The following SLC39A8 variants were observed in gnomAD, a reference collection of about 807,000 sequenced individuals.
SLC39A8 encodes solute carrier family 39 member 8, also known as metal cation symporter ZIP8.
A neutral mutation model predicts 40.4 loss-of-function variants in SLC39A8; 15 were observed. That is an observed-to-expected ratio of 0.37 (90% CI 0.25 to 0.57). SLC39A8 has a LOEUF of 0.57. Among genes scored for constraint, SLC39A8 ranks in the 20% least tolerant of loss-of-function variants. The pLI is 0.75. For synonymous variants in SLC39A8, 223 were observed against 221.6 expected (o/e 1.01, Z -0.06); for missense variants, 472 against 558.8 (o/e 0.84, Z 1.57).
At chr4:102,280,251 A>G (rs1732812059) in intron 6 of SLC39A8, among the ~76,000 whole-genome samples, 1 of 152,138 alleles carries the variant, frequency 6.6e-6, no homozygotes, top group African/African-American at 2.4e-5. Flanking sequence ...CACTGTTACT[A>G]GCCTCAGGTT....
intron 3 of SLC39A8, among the ~76,000 whole-genome samples, chr4:102,315,395 A>G (rs1320075894): frequency 1.3e-5 from 2 of 152,182 alleles, no homozygotes; most frequent in Non-Finnish European, 2.9e-5. Flanking sequence ...ACAGCATAAA[A>G]TATATATTGT....
chr4:102,331,962 T>C (rs1311211079), intron 2 of SLC39A8, among the ~76,000 whole-genome samples: 2 of 152,164 alleles, frequency 1.3e-5, no homozygotes, highest in African/African-American at 4.8e-5. Context: ...TGACTAGCCC[T>C]ATGTAGAAAA....
chr4:102,340,437 C>T (rs1735893284), intron 2 of SLC39A8, among the ~76,000 whole-genome samples: 1 of 152,108 alleles, frequency 6.6e-6, no homozygotes, highest in Non-Finnish European at 1.5e-5. Context: ...TCAAGAAAGG[C>T]TTCTCAGAAG....
At chr4:102,300,168 G>T (rs760626230) in intron 6 of SLC39A8, among the ~76,000 whole-genome samples, 5 of 151,908 alleles carry the variant, frequency 3.3e-5, no homozygotes, top group Non-Finnish European at 4.4e-5. Flanking sequence ...ATAGACTGTT[G>T]TGCCTCACAC....
intron 11 of SLC39A8, among the ~76,000 whole-genome samples, chr4:102,254,686 T>C (rs1270070985): frequency 6.6e-6 from 1 of 152,208 alleles, no homozygotes; most frequent in Non-Finnish European, 1.5e-5. Context: ...CCTAGATTCA[T>C]ATCCTACATT....
chr4:102,273,154 G>A (rs978174349), intron 6 of SLC39A8, among the ~76,000 whole-genome samples: 1 of 152,192 alleles, frequency 6.6e-6, no homozygotes, highest in Non-Finnish European at 1.5e-5. Flanking sequence ...CTTGCTCAGC[G>A]GGTCCCACCT....
chr4:102,273,123 G>T (rs1432647910), intron 6 of SLC39A8, among the ~76,000 whole-genome samples: 2 of 152,208 alleles, frequency 1.3e-5, no homozygotes, highest in African/African-American at 2.4e-5. Context: ...AAAGGGGGCT[G>T]AAGCCAGGGA....
At chr4:102,305,716 A>C (rs1315497444) in intron 4 of SLC39A8, among the ~76,000 whole-genome samples, 1 of 152,048 alleles carries the variant, frequency 6.6e-6, no homozygotes, top group Admixed American at 6.6e-5. Flanking sequence ...TCTTTCACAC[A>C]CACACAGCAA....
downstream of SLC39A8, among the ~76,000 whole-genome samples, chr4:102,257,779 A>G (rs1041123170): frequency 1.3e-5 from 2 of 152,190 alleles, no homozygotes; most frequent in African/African-American, 4.8e-5. Flanking sequence ...CCACTTACCA[A>G]CTTACTAACA....
Position 102,262,457 on chromosome 4 carries a change from G to T in SLC39A8, c.*587C>A, listed in dbSNP as rs994419289. The T allele has an allele frequency of 1.4e-4, 137 of 985,152 alleles. No individual in the cohort carries two copies. The highest frequency in any genetic ancestry group is 1.4e-4 in the Non-Finnish European group (118 of 829,702). 61.0% of individuals were successfully genotyped at this position (985,152 alleles called of 1,614,324 possible). A position where few individuals can be genotyped will look rare whatever the true frequency, so the allele number is the denominator to read the frequency against. ...TCCTAACTCCTATTATTTTAGAATGGTTTTCAAAATAATACTGCAAGTTCC... is the reference window on the plus strand; with the variant it reads ...TCCTAACTCCTATTATTTTAGAATGTTTTTCAAAATAATACTGCAAGTTCC... On this transcript the variant is annotated 3_prime_UTR_variant, in exon 9 of 9. Transcript: ENST00000356736.
chr4:102,343,594 A>T (rs1178858179), intron 2 of SLC39A8, among the ~76,000 whole-genome samples: 1 of 152,258 alleles, frequency 6.6e-6, no homozygotes, highest in African/African-American at 2.4e-5. Flanking sequence ...TTTTGGAAGG[A>T]TGCAGAAACT....
Position 102,307,623 on chromosome 4 carries a change from AAG to A in SLC39A8, c.383-20_383-19del, listed in dbSNP as rs750541387. The A allele has an allele frequency of 3.1e-6, 5 of 1,606,352 alleles. No individual in the cohort carries two copies. Among genetic ancestry groups the A allele is most frequent in the Non-Finnish European group, 4.2e-6 (5 of 1,176,492 alleles). ...TCCCCAAACTGTGGGTCAGAGGGAA[AAG>A]AGAGTAGAAATTAATCAGAGCAAGG... On this transcript the variant is annotated intron_variant, in intron 3 of 8. Transcript: ENST00000356736.
intron 2 of SLC39A8, among the ~76,000 whole-genome samples, chr4:102,318,062 T>C (rs764004055): frequency 2.0e-5 from 3 of 152,160 alleles, no homozygotes; most frequent in Non-Finnish European, 2.9e-5. Context: ...TGATGTAAAA[T>C]GTATTTCTTG....
chr4:102,342,581 G>A lies in SLC39A8; in HGVS notation c.219+1863C>T, dbSNP rs537978662. ...TCCTTGGCTTCCTTTTCTTTCCAAG[G>A]TAATTATGGGCTTCTTCCTGTCTCT... On this transcript the variant is annotated intron_variant, in intron 2 of 8. Coordinates refer to ENST00000356736, the MANE Select transcript of SLC39A8 (RefSeq NM_001135146.2). Among the ~76,000 whole-genome samples the A allele has an allele frequency of 5.9e-5, 9 of 152,270 alleles. 1 individual carries two copies. The highest frequency in any genetic ancestry group is 3.9e-4 in the Admixed American group (6 of 15,306).
At chr4:102,290,065 A>C (rs1438836317) in intron 6 of SLC39A8, among the ~76,000 whole-genome samples, 1 of 152,082 alleles carries the variant, frequency 6.6e-6, no homozygotes, top group Non-Finnish European at 1.5e-5. Flanking sequence ...TGCAAACTTC[A>C]TTGTTTTAAA....
chr4:102,325,865 G>C (rs1333934621), intron 2 of SLC39A8, among the ~76,000 whole-genome samples: 2 of 152,198 alleles, frequency 1.3e-5, no homozygotes, highest in Non-Finnish European at 2.9e-5. Flanking sequence ...AATGTTGAAA[G>C]CTACAACAAT....
In SLC39A8 at chr4:102,344,432, T is replaced by C. The variant is rs1440019485; in HGVS notation, c.219+12A>G. 6.6e-7 allele frequency: 1 copy of C among 1,509,004 alleles called. No individual in the cohort carries two copies. Among genetic ancestry groups the C allele is most frequent in the Non-Finnish European group, 8.9e-7 (1 of 1,127,562 alleles). The allele number at this position is 1,509,004 out of a possible 1,614,324, so 93.5% of individuals were successfully genotyped here. On this transcript the variant is annotated intron_variant, in intron 2 of 8. Coordinates refer to ENST00000356736, the MANE Select transcript of SLC39A8 (RefSeq NM_001135146.2). ...CACAGTACGGAGGGCTGCCCGGACC[T>C]GGCGGCCTTACCTGGTTGAAGTGCA...
At chr4:102,273,867 G>A (rs1415588567) in intron 6 of SLC39A8, among the ~76,000 whole-genome samples, 2 of 152,188 alleles carry the variant, frequency 1.3e-5, no homozygotes, top group African/African-American at 4.8e-5. Flanking sequence ...CTGACTGTTA[G>A]AAGGAAAACC....
chr4:102,317,981 A>T lies in SLC39A8; in HGVS notation c.220-2151T>A, dbSNP rs1487722943. On this transcript the variant is annotated intron_variant, in intron 2 of 8. Transcript: ENST00000356736. ...AGAAACTATAGACCATATCACACAT[A>T]ATAGGGTAAGTGTTGCTTAACCAAA... 2.0e-5 allele frequency among the ~76,000 whole-genome samples: 3 copies of T among 152,144 alleles called. No individual in the cohort carries two copies. In the East Asian group the frequency reaches 5.8e-4, roughly 29 times the overall value.
Sources: gnomAD v4.1 joint callset for allele counts (sites outside exome capture counted in the v4.1 genomes callset) on GRCh38, gnomAD v4.1.1 for gene constraint, MANE v1.5 for transcripts, NCBI Gene and HGNC (gene_info 2026-07-23, HGNC 2026-07-21) for gene names.